FRMD6: variants seen among roughly 807,000 people sequenced by gnomAD.
FRMD6 encodes FERM domain-containing protein 6.
FRMD6 carries 37 observed loss-of-function variants against 73.2 expected under a neutral mutation model. The observed-to-expected ratio is 0.51, with a 90% confidence interval of 0.39 to 0.66. The LOEUF (loss-of-function observed/expected upper bound fraction) is 0.66. Ranked by LOEUF, FRMD6 falls within the 30% of genes least tolerant of loss-of-function variation. FRMD6 has a pLI of 0.00. For missense variants in FRMD6, 714 were observed against 780.5 expected (o/e 0.91, Z 1.02); for synonymous variants, 273 against 282.2 (o/e 0.97, Z 0.33).
the FRMD6 span, among the ~76,000 whole-genome samples, chr14:51,482,668 C>T: frequency 4.0e-5 from 3 of 75,168 alleles, no homozygotes; most frequent in Non-Finnish European, 8.2e-5. Flanking sequence ...AGGAACTTTG[C>T]AGGAACTGTG....
intron 1 of FRMD6, among the ~76,000 whole-genome samples, chr14:51,540,719 G>GATTA (rs111945801): frequency 1.3e-5 from 2 of 151,412 alleles, no homozygotes; most frequent in Non-Finnish European, 2.9e-5. Context: ...ATTTTTAGTT[G>GATTA]GAGTAGATAA....
At chr14:51,580,282 T>C (rs535532479) in intron 2 of FRMD6, among the ~76,000 whole-genome samples, 1 of 152,156 alleles carries the variant, frequency 6.6e-6, no homozygotes, top group Non-Finnish European at 1.5e-5. Context: ...GTCCCAGCTA[T>C]AGGGGCACAG....
chr14:51,496,133 A>G (rs1883277970), intron 1 of FRMD6, among the ~76,000 whole-genome samples: 1 of 152,186 alleles, frequency 6.6e-6, no homozygotes, highest in East Asian at 1.9e-4. Context: ...ATCCAGCTGC[A>G]AGTTGAAAGC....
the FRMD6 span, among the ~76,000 whole-genome samples, chr14:51,477,465 G>T: frequency 6.6e-6 from 1 of 151,558 alleles, no homozygotes; most frequent in East Asian, 1.9e-4. Flanking sequence ...AGGTGAATTG[G>T]CATGAGGATA....
At chr14:51,558,955 C>G (rs554378377) in intron 1 of FRMD6, among the ~76,000 whole-genome samples, 1 of 152,268 alleles carries the variant, frequency 6.6e-6, no homozygotes, top group East Asian at 1.9e-4. Context: ...TATAGCTTTG[C>G]TTTTAGACAT....
chr14:51,606,640 T>G (rs7158526), intron 2 of FRMD6, among the ~76,000 whole-genome samples: 21 of 152,038 alleles, frequency 1.4e-4, no homozygotes, highest in Non-Finnish European at 2.6e-4. Flanking sequence ...ATGTATTAGT[T>G]GGGGTCCTCC....
intron 1 of FRMD6, among the ~76,000 whole-genome samples, chr14:51,511,442 G>A (rs1425225394): frequency 1.3e-5 from 2 of 152,224 alleles, no homozygotes; most frequent in African/African-American, 4.8e-5. Flanking sequence ...GGGGTTTGCT[G>A]TAGTAACTGG....
the FRMD6 span, among the ~76,000 whole-genome samples, chr14:51,401,575 C>T: frequency 5.9e-5 from 9 of 152,096 alleles, no homozygotes; most frequent in African/African-American, 1.7e-4. Context: ...TCTGGAATGC[C>T]CATCCTAACC....
Position 51,715,467 on chromosome 14 carries a change from T to G in FRMD6, c.992T>G (p.Leu331Arg). The change falls in exon 10 of 14, where the codon CTG becomes CGG. Residue 331 changes from leucine to arginine, a missense_variant. Physicochemically the swap from Leu to Arg is moderately radical, Grantham distance 102. Transcript: ENST00000344768. Reference protein sequence around the residue: ...HRLYMNLQPVLRHIRKLEENE... With the variant: ...HRLYMNLQPVRRHIRKLEENE... ...CTCTATATGAATCTGCAGCCTGTCCTGCGCCATATCCGGAAGCTGGAGGAA... is the reference window on the plus strand; with the variant it reads ...CTCTATATGAATCTGCAGCCTGTCCGGCGCCATATCCGGAAGCTGGAGGAA... 1.2e-6 allele frequency: 2 copies of G among 1,611,960 alleles called. No individual in the cohort carries two copies. The highest frequency in any genetic ancestry group is 1.7e-6 in the Non-Finnish European group (2 of 1,179,026).
intron 6 of FRMD6, 132 bp downstream of exon 6, chr14:51,705,067 T>C: frequency 4.1e-6 from 3 of 728,390 alleles, no homozygotes; most frequent in Non-Finnish European, 6.6e-6. Context: ...TGCCCAGATA[T>C]TTAATGCTTA....
intron 1 of FRMD6, among the ~76,000 whole-genome samples, chr14:51,671,911 T>C (rs1276499629): frequency 5.9e-5 from 9 of 152,160 alleles, no homozygotes; most frequent in Admixed American, 5.9e-4. Context: ...TTAATTCAGC[T>C]TACACAATCA....
At chr14:51,636,185 T>C (rs1891552681) in intron 2 of FRMD6, among the ~76,000 whole-genome samples, 2 of 152,166 alleles carry the variant, frequency 1.3e-5, no homozygotes, top group Admixed American at 1.3e-4. Flanking sequence ...CCAGGGTTTA[T>C]ATAGGGAAAG....
intron 2 of FRMD6, among the ~76,000 whole-genome samples, chr14:51,572,271 G>A (rs763759109): frequency 1.3e-5 from 2 of 152,250 alleles, no homozygotes; most frequent in Non-Finnish European, 2.9e-5. Flanking sequence ...AGGACCAGAA[G>A]AGGATCTTGA....
the FRMD6 span, among the ~76,000 whole-genome samples, chr14:51,410,703 G>T: frequency 8.5e-5 from 13 of 152,122 alleles, no homozygotes; most frequent in Non-Finnish European, 1.0e-4. Flanking sequence ...GGTCAAACAC[G>T]TTCATACATT....
At chr14:51,541,334 A>G (rs1886189930) in intron 1 of FRMD6, among the ~76,000 whole-genome samples, 1 of 152,136 alleles carries the variant, frequency 6.6e-6, no homozygotes, top group East Asian at 1.9e-4. Context: ...TTGGTTCCAT[A>G]AATATTCACT....
At chr14:51,652,763 C>T (rs1892518642) in intron 1 of FRMD6, among the ~76,000 whole-genome samples, 1 of 152,196 alleles carries the variant, frequency 6.6e-6, no homozygotes, top group African/African-American at 2.4e-5. Context: ...GCACCGGATT[C>T]GGCTCCGGGA....
intron 1 of FRMD6, among the ~76,000 whole-genome samples, chr14:51,660,658 A>G (rs1893156017): frequency 6.6e-6 from 1 of 151,094 alleles, no homozygotes; most frequent in African/African-American, 2.4e-5. Flanking sequence ...CTTATATTCT[A>G]TTAGGAGGCA....
At chr14:51,454,456 G>A in the FRMD6 span, 1 of 152,202 alleles carries the variant, frequency 6.6e-6, no homozygotes, top group Non-Finnish European at 1.5e-5. Context: ...CTCCTGAGAA[G>A]AGCAGATAAT....
the FRMD6 span, among the ~76,000 whole-genome samples, chr14:51,478,277 G>A: frequency 6.6e-6 from 1 of 152,122 alleles, no homozygotes; most frequent in Admixed American, 6.5e-5. Flanking sequence ...AAGAAACTGC[G>A]GAAAGATACA....
Sources: gnomAD v4.1 joint callset for allele counts (sites outside exome capture counted in the v4.1 genomes callset) on GRCh38, gnomAD v4.1.1 for gene constraint, MANE v1.5 for transcripts, NCBI Gene and HGNC (gene_info 2026-07-23, HGNC 2026-07-21) for gene names.